MGAT3: variants seen among roughly 807,000 people sequenced by gnomAD.
The protein encoded by MGAT3 is GlcNAc-T III.
Under a neutral mutation model 29.8 loss-of-function variants are expected in MGAT3, and 9 were observed. The ratio of observed to expected loss-of-function variants is 0.30; its 90% CI spans 0.18 to 0.53. The LOEUF (loss-of-function observed/expected upper bound fraction) is 0.53. MGAT3 is among the 20% of genes least tolerant of loss of function. The probability of loss-of-function intolerance (pLI) is 0.96; values close to 1 mark genes in which losing one functional copy is unlikely to be tolerated. For synonymous variants in MGAT3, 397 were observed against 348.9 expected, an observed-to-expected ratio of 1.14 and a Z score of -1.54; for missense variants, 557 against 769.5, an observed-to-expected ratio of 0.72 and a Z score of 3.27.
At chr22:39,485,782 C>G (rs1207129591) in intron 1 of MGAT3, among the ~76,000 whole-genome samples, 1 of 152,074 alleles carries the variant, frequency 6.6e-6, no homozygotes, top group Non-Finnish European at 1.5e-5. Flanking sequence ...GAGCAAGACT[C>G]TGTCTTAAAA....
In MGAT3 at chr22:39,468,855, C is replaced by T. The variant is rs555965848; in HGVS notation, c.-2+11298C>T. Among the ~76,000 whole-genome samples the T allele has an allele frequency of 2.1e-4, 32 of 152,056 alleles. 3 individuals are homozygous for T. The highest frequency in any genetic ancestry group is 7.7e-4 in the African/African-American group (32 of 41,324). The stretch of plus-strand genomic sequence containing the variant: ...CAGGGAGGCCTGGAGAAGTGCAGCT[C>T]AGCCGAATCCTCCAGGAACAGGCAC... On this transcript the variant is annotated intron_variant, in intron 1 of 1. Transcript: ENST00000341184.
chr22:39,471,697 C>T (rs1839884060), intron 1 of MGAT3, among the ~76,000 whole-genome samples: 1 of 152,204 alleles, frequency 6.6e-6, no homozygotes, highest in Admixed American at 6.5e-5. Flanking sequence ...CCATGAGGGC[C>T]TTTCGGCAGC....
intron 1 of MGAT3, among the ~76,000 whole-genome samples, chr22:39,466,961 C>T (rs1006428377): frequency 6.6e-6 from 1 of 152,218 alleles, no homozygotes; most frequent in Non-Finnish European, 1.5e-5. Flanking sequence ...GTTCTTTCAG[C>T]AATTACTCCC....
In MGAT3 at chr22:39,472,369, A is replaced by G. The variant is rs189589011; in HGVS notation, c.-2+14812A>G. Among the ~76,000 whole-genome samples the G allele has an allele frequency of 2.8e-3, 428 of 152,044 alleles. 3 individuals are homozygous for G. The highest frequency in any genetic ancestry group is 0.01 in the African/African-American group (419 of 41,448). ...CCGCCGTGCCGAGAGTGTATTTCTG[A>G]GCTCTTCCATGCATATAGTGTTCCT... is the stretch of plus-strand genomic sequence containing the variant. On this transcript the variant is annotated intron_variant, in intron 1 of 1. Transcript: ENST00000341184.
At chr22:39,467,496 G>A (rs1378437457) in intron 1 of MGAT3, among the ~76,000 whole-genome samples, 5 of 152,152 alleles carry the variant, frequency 3.3e-5, no homozygotes, top group Non-Finnish European at 5.9e-5. Flanking sequence ...GCCCCAAAGA[G>A]TGATGAGGCT....
At chr22:39,468,253 AGCTGCAG>A (rs1255759851) in intron 1 of MGAT3, among the ~76,000 whole-genome samples, 1 of 152,162 alleles carries the variant, frequency 6.6e-6, no homozygotes, top group Non-Finnish European at 1.5e-5. Context: ...CCTGCCCAGG[AGCTGCAG>A]GCTGCAGGCA....
intron 1 of MGAT3, among the ~76,000 whole-genome samples, chr22:39,474,554 A>G (rs1325747796): frequency 1.3e-5 from 2 of 152,166 alleles, no homozygotes; most frequent in South Asian, 2.1e-4. Flanking sequence ...CACAGCCCCA[A>G]GCACCTTCCC....
chr22:39,458,201 T>G (rs1199957548), intron 1 of MGAT3, among the ~76,000 whole-genome samples: 1 of 152,076 alleles, frequency 6.6e-6, no homozygotes, highest in African/African-American at 2.4e-5. Flanking sequence ...TATAAATATC[T>G]GCAAATAGTG....
intron 1 of MGAT3, chr22:39,486,303 C>T (rs1043698664): frequency 9.0e-5 from 28 of 311,070 alleles, no homozygotes; most frequent in African/African-American, 2.3e-5. Flanking sequence ...CGCCACTACA[C>T]TCAGCTAACT....
At chr22:39,460,083 C>T (rs1362316116) in intron 1 of MGAT3, among the ~76,000 whole-genome samples, 3 of 152,222 alleles carry the variant, frequency 2.0e-5, no homozygotes, top group Non-Finnish European at 2.9e-5. Flanking sequence ...CTCTTGGCCT[C>T]ATGGGCACCC....
Position 39,488,352 on chromosome 22 carries a change from C to T in MGAT3, c.1005C>T (p.Gly335=). 1.2e-6 allele frequency: 2 copies of T among 1,612,590 alleles called. No homozygotes were observed. The highest frequency in any genetic ancestry group is 1.7e-6 in the Non-Finnish European group (2 of 1,180,020). The change falls in exon 2 of 2, where the codon GGC becomes GGT. Residue 335 remains glycine, a synonymous_variant. Transcript: ENST00000341184. ...DGVLFLKLYD[G]WTEPFAFHMR... ...TCCTTTTCCTCAAGCTCTACGATGG[C>T]TGGACCGAGCCCTTCGCCTTCCACA...
At position 39,488,982 on chromosome 22, in the gene MGAT3, C is replaced by CG; in HGVS notation, c.*38dup. The CG allele has an allele frequency of 2.3e-6, 3 of 1,311,760 alleles. No homozygotes were observed. The highest frequency in any genetic ancestry group is 3.0e-6 in the Non-Finnish European group (3 of 999,338). 81.3% of individuals were successfully genotyped at this position (1,311,760 alleles called of 1,614,324 possible). Reference sequence around the variant, plus strand: ...TGATCTGATAGGGTTTGTGACAGGGCGGGGGTGGCGGCGGCCCCTAGCGCT... The same window carrying CG: ...TGATCTGATAGGGTTTGTGACAGGGCGGGGGGTGGCGGCGGCCCCTAGCGCT... On this transcript the variant is annotated 3_prime_UTR_variant, in exon 2 of 2. Coordinates refer to ENST00000341184, the MANE Select transcript of MGAT3 (RefSeq NM_002409.5).
In MGAT3 at chr22:39,488,146, C is replaced by A. The variant is rs1929339963; in HGVS notation, c.799C>A (p.His267Asn). Residue 267 changes from histidine to asparagine, a missense_variant, in exon 2 of 2, where the codon CAC (histidine) becomes AAC (asparagine). Transcript: ENST00000341184. The part of the protein sequence containing the change: ...LTNGTFEYIR[H>N]KVLYVFLDHF... ...CAATGGCACCTTCGAGTACATCCGC[C>A]ACAAGGTGCTCTATGTCTTCCTGGA... 1 of 1,613,042 alleles carries A rather than the reference C, an allele frequency of 6.2e-7. No homozygotes were observed. Among genetic ancestry groups the A allele is most frequent in the Non-Finnish European group, 8.5e-7 (1 of 1,179,958 alleles).
intron 1 of MGAT3, among the ~76,000 whole-genome samples, chr22:39,458,068 C>T (rs1309858602): frequency 9.9e-5 from 15 of 152,166 alleles, no homozygotes; most frequent in Admixed American, 9.2e-4. Context: ...CCGTAGCTAC[C>T]CCTGGGGACC....
chr22:39,485,208 T>A (rs1929237496), intron 1 of MGAT3, among the ~76,000 whole-genome samples: 1 of 152,126 alleles, frequency 6.6e-6, no homozygotes, highest in Admixed American at 6.6e-5. Flanking sequence ...TCTTCACTGG[T>A]CAAATGGATG....
intron 1 of MGAT3, among the ~76,000 whole-genome samples, chr22:39,471,480 C>T (rs1407630947): frequency 1.3e-5 from 2 of 152,118 alleles, no homozygotes. Flanking sequence ...TTAATAATTA[C>T]AGGCTTGAGC....
In MGAT3 at chr22:39,457,920, C is replaced by G. The variant is rs568369662; in HGVS notation, c.-2+363C>G. On this transcript the variant is annotated intron_variant, in intron 1 of 1. Coordinates refer to ENST00000341184, the MANE Select transcript of MGAT3 (RefSeq NM_002409.5). This position sits in a 1 kb window ranked among gnomAD's most constrained non-coding sequence, Gnocchi z 6.8. ...GCACCCCCCAGCCTCCGGCGCGGCT[C>G]CCCCACAACCTCCGGCGCGGCGCGG... is the stretch of plus-strand genomic sequence containing the variant. Among the ~76,000 whole-genome samples, 29 of 151,692 alleles carry G rather than the reference C, an allele frequency of 1.9e-4. No individual in the cohort carries two copies. Among genetic ancestry groups the G allele is most frequent in the Admixed American group, 7.9e-4 (12 of 15,258 alleles).
At chr22:39,467,692 T>C (rs915405229) in intron 1 of MGAT3, among the ~76,000 whole-genome samples, 1 of 151,340 alleles carries the variant, frequency 6.6e-6, no homozygotes, top group African/African-American at 2.4e-5. Flanking sequence ...TTTCGTTTCT[T>C]TTCTTTCAGA....
chr22:39,479,263 C>T (rs1367725076), intron 1 of MGAT3, among the ~76,000 whole-genome samples: 1 of 152,206 alleles, frequency 6.6e-6, no homozygotes, highest in Non-Finnish European at 1.5e-5. Flanking sequence ...CACTTGAACC[C>T]AGGAGTTTGT....
Sources: gnomAD v4.1 joint callset for allele counts (sites outside exome capture counted in the v4.1 genomes callset) on GRCh38, gnomAD v4.1.1 for gene constraint, Gnocchi (gnomAD v3.1) non-coding constraint, MANE v1.5 for transcripts, NCBI Gene and HGNC (gene_info 2026-07-23, HGNC 2026-07-21) for gene names.